The following CDCP1 variants were observed in gnomAD, a reference collection of about 807,000 sequenced individuals.
CDCP1 encodes the protein CUB domain-containing protein 1.
In CDCP1, 29 loss-of-function variants were observed where a neutral mutation model predicts 60.2. The ratio of observed to expected loss-of-function variants is 0.48; its 90% CI spans 0.36 to 0.66. The LOEUF (loss-of-function observed/expected upper bound fraction) is 0.66, where lower values mean the gene tolerates loss of function less well. Among genes scored for constraint, CDCP1 ranks in the 30% least tolerant of loss-of-function variants. The probability of loss-of-function intolerance (pLI) is 0.00; values close to 1 mark genes in which losing one functional copy is unlikely to be tolerated. For synonymous variants in CDCP1, 387 were observed against 431.1 expected (o/e 0.90, Z 1.27); for missense variants, 876 against 1,074.3 (o/e 0.82, Z 2.58).
intron 4 of CDCP1, among the ~76,000 whole-genome samples, chr3:45,107,479 TAC>T (rs1364515039): frequency 6.6e-6 from 1 of 152,136 alleles, no homozygotes; most frequent in African/African-American, 2.4e-5. Flanking sequence ...GTGCTGGGAT[TAC>T]AGTCATGAGC....
chr3:45,092,514 C>G (rs374362304), intron 6 of CDCP1, among the ~76,000 whole-genome samples: 57 of 152,154 alleles, frequency 3.7e-4, no homozygotes, highest in Non-Finnish European at 5.6e-4. Context: ...GAAGGAGTTT[C>G]TCTGGTAACC....
At chr3:45,098,455 G>A (rs1471112737) in intron 4 of CDCP1, among the ~76,000 whole-genome samples, 9 of 152,094 alleles carry the variant, frequency 5.9e-5, no homozygotes, top group Non-Finnish European at 8.8e-5. Context: ...TGGGATAACC[G>A]CAGTAAAACA....
intron 1 of CDCP1, among the ~76,000 whole-genome samples, chr3:45,121,838 C>G (rs193164006): frequency 6.6e-6 from 1 of 152,166 alleles, no homozygotes; most frequent in East Asian, 1.9e-4. Context: ...TAAGCTATAC[C>G]TTAATAAAAA....
At chr3:45,131,020 C>A (rs547847761) in intron 1 of CDCP1, among the ~76,000 whole-genome samples, 1 of 152,128 alleles carries the variant, frequency 6.6e-6, no homozygotes, top group Non-Finnish European at 1.5e-5. Flanking sequence ...GCGAATGACA[C>A]CATGCCTGGC....
intron 1 of CDCP1, among the ~76,000 whole-genome samples, chr3:45,119,414 C>T (rs1379276444): frequency 6.6e-6 from 1 of 152,162 alleles, no homozygotes; most frequent in Non-Finnish European, 1.5e-5. Context: ...TTCTCCTTAG[C>T]TGACACTGCC....
intron 1 of CDCP1, among the ~76,000 whole-genome samples, chr3:45,127,637 C>T (rs12485464): frequency 0.42 from 64,519 of 152,126 alleles, 15,767 homozygotes; most frequent in Non-Finnish European, 0.54. Flanking sequence ...GAGACCTCCA[C>T]CTGTCCTTCT....
intron 4 of CDCP1, among the ~76,000 whole-genome samples, chr3:45,108,116 C>T (rs993131162): frequency 6.6e-6 from 1 of 150,996 alleles, no homozygotes; most frequent in African/African-American, 2.4e-5. Flanking sequence ...CAGAGCAAGA[C>T]TCTGCCTAAA....
At chr3:45,118,319 G>A (rs1004494619) in intron 2 of CDCP1, 93 bp downstream of exon 2, 2 of 931,908 alleles carry the variant, frequency 2.1e-6, no homozygotes, top group African/African-American at 3.3e-5. Context: ...TAGCTCTCTA[G>A]CATTAGAGAC....
chr3:45,091,196 A>G lies in CDCP1; in HGVS notation c.1970T>C (p.Val657Ala). The G allele has an allele frequency of 6.2e-7, 1 of 1,613,494 alleles. No homozygotes were observed. Among genetic ancestry groups the G allele is most frequent in the Non-Finnish European group, 8.5e-7 (1 of 1,179,872 alleles). Residue 657 changes from valine to alanine, a missense_variant, in exon 7 of 9, where the codon GTG becomes GCG. Transcript: ENST00000296129. The surrounding 1 kb of genome is among the most constrained non-coding windows in gnomAD (Gnocchi z 4.8). ...SGKQLDLLFS[V>A]TLTPRTVDLT... Reference sequence around the variant, plus strand: ...ACCCACAGTCCTTGGGGTAAGTGTCACCGAGAAGAGCAGGTCTAGCTGCTT... The same window carrying G: ...ACCCACAGTCCTTGGGGTAAGTGTCGCCGAGAAGAGCAGGTCTAGCTGCTT...
chr3:45,128,330 C>T (rs1435239855), intron 1 of CDCP1, among the ~76,000 whole-genome samples: 1 of 152,228 alleles, frequency 6.6e-6, no homozygotes. Flanking sequence ...ACTCTGGCCA[C>T]ATCTCTCAAG....
At chr3:45,108,951 A>ATTT (rs1232293607) in intron 4 of CDCP1, among the ~76,000 whole-genome samples, 1 of 25,080 alleles carries the variant, frequency 4.0e-5, no homozygotes, top group Non-Finnish European at 8.4e-5. Flanking sequence ...ATATATATAT[A>ATTT]TATTTTTTTT....
intron 7 of CDCP1, among the ~76,000 whole-genome samples, chr3:45,090,343 C>T (rs903712111): frequency 2.6e-5 from 4 of 152,216 alleles, no homozygotes; most frequent in African/African-American, 9.6e-5. Flanking sequence ...TGCTTGATAC[C>T]CTTTAGTGGT....
intron 5 of CDCP1, 36 bp downstream of exon 5, chr3:45,095,311 A>G: frequency 6.3e-7 from 1 of 1,586,562 alleles, no homozygotes; most frequent in Non-Finnish European, 8.7e-7. Flanking sequence ...AGAGCTATCC[A>G]TGGCCAGGGA....
chr3:45,091,254 C>T lies in CDCP1; in HGVS notation c.1912G>A (p.Val638Ile). 1 of 1,613,936 alleles carries T rather than the reference C, an allele frequency of 6.2e-7. No individual in the cohort carries two copies. Among genetic ancestry groups the T allele is most frequent in the African/African-American group, 1.3e-5 (1 of 74,980 alleles). The change falls in exon 7 of 9, where the codon GTC (valine) becomes ATC (isoleucine). Residue 638 changes from valine to isoleucine, a missense_variant. Physicochemically the swap from Val to Ile is conservative, Grantham distance 29 (BLOSUM62 3). Around this residue, in one of 2 missense-constraint regions of CDCP1, gnomAD observed 726 missense variants for 935.7 expected, o/e 0.78. Coordinates refer to ENST00000296129, the MANE Select transcript of CDCP1 (RefSeq NM_022842.5). This position sits in a 1 kb window ranked among gnomAD's most constrained non-coding sequence, Gnocchi z 4.8. ...KPSFHHHSFW[V>I]NISNCSPTSG... ...GTGGGGCTGCAGTTAGAGATGTTGA[C>T]CCAGAAGCTGTGATGGTGGAAGCTT...
chr3:45,102,882 C>G (rs987620590), intron 4 of CDCP1, among the ~76,000 whole-genome samples: 10 of 151,868 alleles, frequency 6.6e-5, no homozygotes, highest in African/African-American at 2.4e-4. Flanking sequence ...TGGTCTCAGA[C>G]TCCTTTGGGC....
At position 45,126,115 on chromosome 3, in the gene CDCP1, T is replaced by TTTCCTTCC. The variant is rs57366030; in HGVS notation, c.83-7495_83-7494insGGAAGGAA. Among the ~76,000 whole-genome samples the TTTCCTTCC allele has an allele frequency of 1.1e-4, 13 of 113,894 alleles. 1 individual carries two copies. The highest frequency in any genetic ancestry group is 8.8e-4 in the South Asian group (3 of 3,426). 74.7% of individuals were successfully genotyped at this position (113,894 alleles called of 152,430 possible). A position where few individuals can be genotyped will look rare whatever the true frequency, so the allele number is the denominator to read the frequency against. On this transcript the variant is annotated intron_variant, in intron 1 of 8. Transcript: ENST00000296129. ...GCCATTCTTTGTCTCTCTCTCTTTC[T>TTTCCTTCC]TTCTTTCTTTCTTTCTTTCTTTCTT...
intron 7 of CDCP1, 58 bp from the exon 8 acceptor site, chr3:45,089,199 G>T: frequency 1.4e-6 from 2 of 1,394,054 alleles, no homozygotes; most frequent in Non-Finnish European, 2.0e-6. Flanking sequence ...GCTCTGCAAT[G>T]AACTTGAGGC....
Position 45,138,436 on chromosome 3 carries a change from G to C in CDCP1, c.82+7770C>G, listed in dbSNP as rs141674423. ...ATAGCCTATAATTTTGGCCCAGGTT[G>C]TCTGCCTATTGAATATCTAAATGTT... is the stretch of plus-strand genomic sequence containing the variant. On this transcript the variant is annotated intron_variant, in intron 1 of 8. Coordinates refer to ENST00000296129, the MANE Select transcript of CDCP1 (RefSeq NM_022842.5). 5.6e-3 allele frequency among the ~76,000 whole-genome samples: 859 copies of C among 152,344 alleles called. 9 individuals are homozygous for C. Among genetic ancestry groups the C allele is most frequent in the Middle Eastern group, 0.031 (9 of 294 alleles).
Position 45,137,311 on chromosome 3 carries a change from T to G in CDCP1, c.82+8895A>C, listed in dbSNP as rs187763504. ...ATGAGCATTTGGGTTGTTTCCAGTC[T>G]CTAGCAACTAGGGCAAGGAGGGGAA... is the stretch of plus-strand genomic sequence containing the variant. On this transcript the variant is annotated intron_variant, in intron 1 of 8. Coordinates refer to ENST00000296129, the MANE Select transcript of CDCP1 (RefSeq NM_022842.5). Among the ~76,000 whole-genome samples, 85 of 152,324 alleles carry G rather than the reference T, an allele frequency of 5.6e-4. No homozygotes were observed. In the East Asian group the frequency reaches 0.01, roughly 19 times the overall value.
Sources: gnomAD v4.1 joint callset for allele counts (sites outside exome capture counted in the v4.1 genomes callset) on GRCh38, gnomAD v4.1.1 for gene constraint, gnomAD v4.1.1 regional missense constraint, Gnocchi (gnomAD v3.1) non-coding constraint, MANE v1.5 for transcripts, NCBI Gene and HGNC (gene_info 2026-07-23, HGNC 2026-07-21) for gene names.